The following DPYSL3 variants were observed in gnomAD, a reference collection of about 807,000 sequenced individuals.
DPYSL3 encodes dihydropyrimidinase-related protein 3.
A neutral mutation model predicts 66.1 loss-of-function variants in DPYSL3; 16 were observed. The observed-to-expected ratio is 0.24, with a 90% CI of 0.16 to 0.37. The LOEUF is 0.37. Among genes scored for constraint, DPYSL3 ranks in the 10% least tolerant of loss-of-function variants. The pLI is 1.00. For synonymous variants in DPYSL3, 338 were observed against 345.1 expected, an observed-to-expected ratio of 0.98 and a Z score of 0.23; for missense variants, 738 against 916.2, an observed-to-expected ratio of 0.81 and a Z score of 2.51.
intron 6 of DPYSL3, among the ~76,000 whole-genome samples, chr5:147,411,656 C>T (rs17106688): frequency 0.054 from 8,292 of 152,198 alleles, 553 homozygotes; most frequent in East Asian, 0.19. Context: ...GCTCACCAAA[C>T]GGCACCTGCT....
intron 1 of DPYSL3, among the ~76,000 whole-genome samples, chr5:147,497,537 G>A (rs1753538165): frequency 6.6e-6 from 1 of 151,830 alleles, no homozygotes; most frequent in African/African-American, 2.4e-5. Flanking sequence ...AGCCATGAAG[G>A]TTTATCTCAG....
chr5:147,419,171 C>A (rs1409259367), intron 2 of DPYSL3, among the ~76,000 whole-genome samples: 1 of 151,768 alleles, frequency 6.6e-6, no homozygotes, highest in East Asian at 1.9e-4. Flanking sequence ...CTCCCAATTC[C>A]ACCCTTTCCT....
intron 4 of DPYSL3, among the ~76,000 whole-genome samples, 165 bp from the exon 5 acceptor site, chr5:147,413,822 C>T (rs560164261): frequency 3.3e-5 from 5 of 152,260 alleles, no homozygotes; most frequent in African/African-American, 1.2e-4. Flanking sequence ...TTTTGCTCTG[C>T]CCACCCTTGC....
intron 1 of DPYSL3, among the ~76,000 whole-genome samples, chr5:147,484,113 G>A (rs75969457): frequency 0.012 from 1,763 of 152,258 alleles, 63 homozygotes; most frequent in East Asian, 0.086. Flanking sequence ...CCAGGTTCCC[G>A]GCAAGTAACC....
chr5:147,420,959 G>A (rs1686848948), intron 2 of DPYSL3, among the ~76,000 whole-genome samples: 1 of 152,094 alleles, frequency 6.6e-6, no homozygotes, highest in African/African-American at 2.4e-5. Flanking sequence ...GCATGTTCAG[G>A]GTGGTATGGC....
In DPYSL3 at chr5:147,424,982, A is replaced by G. The variant is rs564032838; in HGVS notation, c.382-19T>C. On this transcript the variant is annotated intron_variant, in intron 1 of 13. Transcript: ENST00000343218. Reference sequence around the variant, plus strand: ...GGTCACTCTAGAAAAGAAGGAAAACATGAGTTGTTATCACAGGTATGATTT... The same window carrying G: ...GGTCACTCTAGAAAAGAAGGAAAACGTGAGTTGTTATCACAGGTATGATTT... 1.4e-4 allele frequency: 226 copies of G among 1,585,324 alleles called. 3 individuals carry two copies. In the South Asian group the frequency reaches 2.2e-3, roughly 16 times the overall value.
intron 2 of DPYSL3, among the ~76,000 whole-genome samples, chr5:147,421,939 A>G (rs897106532): frequency 2.0e-5 from 3 of 152,240 alleles, no homozygotes; most frequent in African/African-American, 7.2e-5. Context: ...CACTCAGGGC[A>G]TAGGCATGGG....
chr5:147,479,701 C>G (rs1753208994), intron 1 of DPYSL3, among the ~76,000 whole-genome samples: 1 of 152,136 alleles, frequency 6.6e-6, no homozygotes. Flanking sequence ...AGTCTTGAAG[C>G]CTGTTCTCCA....
intron 1 of DPYSL3, among the ~76,000 whole-genome samples, chr5:147,452,734 G>C (rs1581202314): frequency 6.6e-6 from 1 of 152,104 alleles, no homozygotes. Flanking sequence ...CCCGCCAGTC[G>C]CGGTGTCTCC....
At chr5:147,424,744 C>CA (rs1425770912) in intron 2 of DPYSL3, 131 bp downstream of exon 2, 23 of 676,594 alleles carry the variant, frequency 3.4e-5, no homozygotes. Context: ...AATTTGCCCT[C>CA]AGTATCTCAC....
intron 1 of DPYSL3, among the ~76,000 whole-genome samples, chr5:147,495,322 C>T (rs1004844911): frequency 4.6e-5 from 7 of 152,148 alleles, no homozygotes; most frequent in Non-Finnish European, 8.8e-5. Context: ...GAAGCATTCC[C>T]TTTGAAAACT....
intron 1 of DPYSL3, among the ~76,000 whole-genome samples, chr5:147,500,628 A>C (rs1357057899): frequency 6.6e-6 from 1 of 151,964 alleles, no homozygotes; most frequent in African/African-American, 2.4e-5. Context: ...AAAAAAAAAA[A>C]AACTCAATGA....
intron 10 of DPYSL3, 140 bp from the exon 11 acceptor site, chr5:147,399,392 C>T (rs1758103289): frequency 2.1e-6 from 2 of 955,134 alleles, no homozygotes; most frequent in African/African-American, 3.3e-5. Context: ...AGCTACAGAA[C>T]CTCACTCAGC....
chr5:147,431,875 G>A (rs1052205808), intron 1 of DPYSL3, among the ~76,000 whole-genome samples: 1 of 152,118 alleles, frequency 6.6e-6, no homozygotes, highest in Non-Finnish European at 1.5e-5. Context: ...TGTAGAGAGG[G>A]CAGTAAGGTC....
At chr5:147,413,171 A>G (rs1395221492) in intron 5 of DPYSL3, among the ~76,000 whole-genome samples, 1 of 152,202 alleles carries the variant, frequency 6.6e-6, no homozygotes, top group Non-Finnish European at 1.5e-5. Context: ...CTGAAAACAT[A>G]GCCTCTGTCT....
At chr5:147,471,863 T>C (rs1027128447) in intron 1 of DPYSL3, among the ~76,000 whole-genome samples, 1 of 152,186 alleles carries the variant, frequency 6.6e-6, no homozygotes, top group Non-Finnish European at 1.5e-5. Flanking sequence ...AGCCTAAATA[T>C]GCTTGCCTGC....
At chr5:147,440,975 G>A (rs1423414716) in intron 1 of DPYSL3, among the ~76,000 whole-genome samples, 1 of 152,108 alleles carries the variant, frequency 6.6e-6, no homozygotes, top group Non-Finnish European at 1.5e-5. Flanking sequence ...TGTAAAGTGG[G>A]TTAATAATAA....
At chr5:147,466,860 GAA>G (rs1561798071) in intron 1 of DPYSL3, among the ~76,000 whole-genome samples, 1 of 152,214 alleles carries the variant, frequency 6.6e-6, no homozygotes, top group Non-Finnish European at 1.5e-5. Context: ...TTTTGCGGGG[GAA>G]AGTAGGGATG....
chr5:147,433,630 G>A (rs1342663197), intron 1 of DPYSL3, among the ~76,000 whole-genome samples: 2 of 152,072 alleles, frequency 1.3e-5, no homozygotes, highest in Non-Finnish European at 2.9e-5. Flanking sequence ...GCTGAGTGAA[G>A]GTAAATCTTT....
Sources: allele counts gnomAD v4.1 joint callset (sites outside exome capture counted in the v4.1 genomes callset), GRCh38; gene constraint gnomAD v4.1.1; transcripts MANE v1.5; gene names NCBI Gene and HGNC (gene_info 2026-07-23, HGNC 2026-07-21).